Variants in RBM19 observed in about 807,000 individuals in gnomAD.
RBM19 encodes RNA binding motif protein 19.
A neutral mutation model predicts 116.8 loss-of-function variants in RBM19; 94 were observed. That is an observed-to-expected ratio of 0.80 (90% confidence interval 0.68 to 0.95). The LOEUF (loss-of-function observed/expected upper bound fraction) is 0.95, where lower values mean the gene tolerates loss of function less well. Ranked by LOEUF, RBM19 falls within the 40% of genes least tolerant of loss-of-function variation. The probability of loss-of-function intolerance (pLI) is 0.00; values close to 1 mark genes in which losing one functional copy is unlikely to be tolerated. For synonymous variants in RBM19, 475 were observed against 494.1 expected, an observed-to-expected ratio of 0.96 and a Z score of 0.51; for missense variants, 1,161 against 1,220.7, an observed-to-expected ratio of 0.95 and a Z score of 0.73.
intron 13 of RBM19, among the ~76,000 whole-genome samples, 160 bp from the exon 14 acceptor site, chr12:113,942,594 CTTTTTTTTTTT>C (rs71443067): frequency 3.2e-5 from 4 of 125,856 alleles, no homozygotes; most frequent in African/African-American, 9.3e-5. Context: ...CGGCTCTGTG[CTTTTTTTTTTT>C]TTTTTTTTTA....
At chr12:113,954,969 C>G (rs147512367) in intron 7 of RBM19, among the ~76,000 whole-genome samples, 162 bp downstream of exon 7, 120 of 152,238 alleles carry the variant, frequency 7.9e-4, no homozygotes, top group African/African-American at 2.9e-3. Flanking sequence ...CTGACCCTGA[C>G]GATGCCGGAG....
intron 21 of RBM19, among the ~76,000 whole-genome samples, chr12:113,861,944 A>T (rs1534325): frequency 6.6e-6 from 1 of 151,938 alleles, no homozygotes; most frequent in Non-Finnish European, 1.5e-5. Context: ...CGCCACCCAC[A>T]AAGACTCTAG....
At chr12:113,887,050 G>GA (rs1217986089) in intron 21 of RBM19, among the ~76,000 whole-genome samples, 4 of 151,962 alleles carry the variant, frequency 2.6e-5, no homozygotes, top group Admixed American at 6.6e-5. Context: ...TATTTTGGGG[G>GA]AAAAAAATCA....
chr12:113,862,179 A>AT (rs1878452228), intron 21 of RBM19, among the ~76,000 whole-genome samples: 1 of 152,102 alleles, frequency 6.6e-6, no homozygotes. Flanking sequence ...TCCGCTACCA[A>AT]TGAGTGCCTG....
intron 18 of RBM19, among the ~76,000 whole-genome samples, chr12:113,922,361 G>A (rs970279447): frequency 2.6e-5 from 4 of 152,186 alleles, no homozygotes; most frequent in Non-Finnish European, 5.9e-5. Context: ...AAACTGTGAC[G>A]GATGGGCCCC....
At chr12:113,874,501 C>T (rs554126831) in intron 21 of RBM19, among the ~76,000 whole-genome samples, 4 of 152,176 alleles carry the variant, frequency 2.6e-5, no homozygotes, top group African/African-American at 9.6e-5. Context: ...TGTGAGACCT[C>T]GAGGGGAGGT....
At chr12:113,914,322 C>T (rs551095749) in intron 21 of RBM19, among the ~76,000 whole-genome samples, 10 of 152,324 alleles carry the variant, frequency 6.6e-5, no homozygotes, top group Admixed American at 2.0e-4. Context: ...TGGGTCCCTG[C>T]GACAGCTGCA....
chr12:113,940,333 G>A (rs907689988), intron 14 of RBM19, among the ~76,000 whole-genome samples, 173 bp from the exon 15 acceptor site: 9 of 152,228 alleles, frequency 5.9e-5, no homozygotes, highest in African/African-American at 2.4e-5. Context: ...GATGCTCCCT[G>A]CAAGGCTGCA....
At position 113,951,524 on chromosome 12, in the gene RBM19, CACACACACACACAA is replaced by C. The variant is rs776544778; in HGVS notation, c.1000+974_1000+987del. Among the ~76,000 whole-genome samples the C allele has an allele frequency of 3.0e-3, 393 of 130,770 alleles. 1 individual carries two copies. Among genetic ancestry groups the C allele is most frequent in the South Asian group, 4.8e-3 (23 of 4,764 alleles). 85.8% of individuals were successfully genotyped at this position (130,770 alleles called of 152,430 possible). On this transcript the variant is annotated intron_variant, in intron 8 of 23. Coordinates refer to ENST00000261741, the MANE Select transcript of RBM19 (RefSeq NM_016196.4). ...TTGGTGAGACAGGTTTACCTGACTG[CACACACACACACAA>C]ACACACACACACTCACACACACAAA...
chr12:113,864,393 G>A (rs1247877501), intron 21 of RBM19, among the ~76,000 whole-genome samples: 1 of 152,176 alleles, frequency 6.6e-6, no homozygotes, highest in African/African-American at 2.4e-5. Context: ...ATGGGATAAA[G>A]CCACTTATCT....
At chr12:113,834,512 T>G (rs1202699892) in intron 23 of RBM19, among the ~76,000 whole-genome samples, 1 of 152,226 alleles carries the variant, frequency 6.6e-6, no homozygotes, top group African/African-American at 2.4e-5. Context: ...TACTTTAGGC[T>G]TGGTGGGCCA....
intron 23 of RBM19, among the ~76,000 whole-genome samples, chr12:113,843,699 G>A (rs1188515968): frequency 2.0e-5 from 3 of 152,172 alleles, no homozygotes; most frequent in Non-Finnish European, 4.4e-5. Context: ...AAGTTTGGAG[G>A]GTGTGTACCT....
intron 7 of RBM19, among the ~76,000 whole-genome samples, chr12:113,953,907 T>A (rs1871684329): frequency 6.6e-6 from 1 of 152,268 alleles, no homozygotes; most frequent in Non-Finnish European, 1.5e-5. Context: ...TTAAATGGCT[T>A]ACAAAGCCTG....
intron 15 of RBM19, among the ~76,000 whole-genome samples, chr12:113,939,492 G>A (rs1870354128): frequency 6.6e-6 from 1 of 152,176 alleles, no homozygotes; most frequent in African/African-American, 2.4e-5. Context: ...GCTCACGCCT[G>A]TAATCCCAGC....
At chr12:113,859,117 A>T (rs772578181) in intron 21 of RBM19, among the ~76,000 whole-genome samples, 15 of 152,134 alleles carry the variant, frequency 9.9e-5, no homozygotes, top group Non-Finnish European at 1.8e-4. Context: ...CAGGCTGGAG[A>T]TGTGAATGGA....
chr12:113,877,931 G>A (rs962834812), intron 21 of RBM19, among the ~76,000 whole-genome samples: 1 of 152,138 alleles, frequency 6.6e-6, no homozygotes, highest in Admixed American at 6.5e-5. Flanking sequence ...GGTTCTTTTC[G>A]ACAAGGGCTC....
intron 21 of RBM19, 112 bp from the exon 22 acceptor site, chr12:113,859,008 G>A (rs968182205): frequency 6.6e-6 from 6 of 904,884 alleles, no homozygotes; most frequent in South Asian, 1.5e-5. Flanking sequence ...AAAGACAAGT[G>A]CATGCAGGCA....
chr12:113,951,683 G>C (rs1871478474), intron 8 of RBM19, among the ~76,000 whole-genome samples: 1 of 152,222 alleles, frequency 6.6e-6, no homozygotes, highest in African/African-American at 2.4e-5. Flanking sequence ...GGAGAAGGAT[G>C]GGTGGCTGAA....
At chr12:113,829,497 T>C (rs775266792) in intron 23 of RBM19, among the ~76,000 whole-genome samples, 11 of 152,238 alleles carry the variant, frequency 7.2e-5, no homozygotes, top group Non-Finnish European at 1.5e-4. Flanking sequence ...TAAGGATTCC[T>C]GCCTTCAGTC....
Sources: allele counts gnomAD v4.1 joint callset (sites outside exome capture counted in the v4.1 genomes callset), GRCh38; gene constraint gnomAD v4.1.1; transcripts MANE v1.5; gene names NCBI Gene and HGNC (gene_info 2026-07-23, HGNC 2026-07-21).